The following KLF8 variants were observed in gnomAD, a reference collection of about 807,000 sequenced individuals.
The protein encoded by KLF8 is KLF transcription factor 8, also known as Krueppel-like factor 8.
Under a neutral mutation model 18.2 loss-of-function variants are expected in KLF8, and 10 were observed. The ratio of observed to expected loss-of-function variants is 0.55; its 90% CI spans 0.34 to 0.93. The LOEUF (loss-of-function observed/expected upper bound fraction) is 0.93, where lower values mean the gene tolerates loss of function less well. KLF8 is among the 40% of genes least tolerant of loss of function. The pLI is 0.02. For missense variants in KLF8, 264 were observed against 277.9 expected, an observed-to-expected ratio of 0.95 and a Z score of 0.36; for synonymous variants, 109 against 97.3, an observed-to-expected ratio of 1.12 and a Z score of -0.71.
At position 56,232,995 on chromosome X, in the gene KLF8, C is replaced by G. The variant is rs999101016; in HGVS notation, c.-340C>G. The G allele has an allele frequency of 5.8e-5, 17 of 295,031 alleles. No homozygotes were observed. The highest frequency in any genetic ancestry group is 9.1e-5 in the Non-Finnish European group (15 of 164,484). The allele number at this position is 295,031 out of a possible 1,213,427, so 24.3% of individuals were successfully genotyped here. Reference sequence around the variant, plus strand: ...CCAGCGAACCCACTTTATTTTTGTCCAAGGAAAAGCTGCAGGGGGGAGGAT... The same window carrying G: ...CCAGCGAACCCACTTTATTTTTGTCGAAGGAAAAGCTGCAGGGGGGAGGAT... On this transcript the variant is annotated 5_prime_UTR_variant, in exon 1 of 6. Transcript: ENST00000468660.
chrX:56,145,848 C>A, the KLF8 span, among the ~76,000 whole-genome samples: 5 of 107,582 alleles, frequency 4.6e-5, no homozygotes, highest in African/African-American at 1.4e-4. Context: ...CCAGAATCTA[C>A]AAAGAACTCA....
chrX:56,130,589 A>G, the KLF8 span, among the ~76,000 whole-genome samples: 332 of 111,252 alleles, frequency 3.0e-3, no homozygotes, highest in African/African-American at 0.01. Context: ...TGACAAAACC[A>G]GGTTCTTTAA....
chrX:56,069,495 C>T, the KLF8 span, among the ~76,000 whole-genome samples: 1 of 111,850 alleles, frequency 8.9e-6, no homozygotes, highest in Non-Finnish European at 1.9e-5. Flanking sequence ...GGCACAGCCT[C>T]CTTTTGTCCC....
the KLF8 span, among the ~76,000 whole-genome samples, chrX:56,066,000 C>T: frequency 9.0e-6 from 1 of 111,246 alleles, no homozygotes; most frequent in Admixed American, 9.6e-5. Flanking sequence ...ATTTGTTGGA[C>T]CCCAAACAGC....
chrX:56,098,545 A>T, the KLF8 span, among the ~76,000 whole-genome samples: 2 of 111,167 alleles, frequency 1.8e-5, no homozygotes, highest in African/African-American at 3.3e-5. Flanking sequence ...TTTTATGATT[A>T]AAAAAAATAA....
chrX:56,244,328 G>A (rs2066593434), intron 1 of KLF8, among the ~76,000 whole-genome samples: 1 of 111,668 alleles, frequency 9.0e-6, no homozygotes, highest in Non-Finnish European at 1.9e-5. Flanking sequence ...TCTTGCCTCA[G>A]CCTCACACAA....
chrX:56,027,620 AT>A, the KLF8 span, among the ~76,000 whole-genome samples: 3 of 112,099 alleles, frequency 2.7e-5, no homozygotes, highest in African/African-American at 9.7e-5. Context: ...CAATAACATT[AT>A]CCAAGGTTAC....
intron 5 of KLF8, 66 bp from the exon 6 acceptor site, chrX:56,284,247 A>G: frequency 3.4e-6 from 3 of 873,433 alleles, no homozygotes; most frequent in Admixed American, 4.2e-5. Flanking sequence ...TATGTATTCT[A>G]TTATCTTTCT....
chrX:56,144,438 A>G, the KLF8 span, among the ~76,000 whole-genome samples: 1 of 110,510 alleles, frequency 9.0e-6, no homozygotes, highest in Non-Finnish European at 1.9e-5. Context: ...AGGATCTAGT[A>G]TCAGAATACA....
At chrX:55,965,621 T>G in the KLF8 span, among the ~76,000 whole-genome samples, 1 of 112,219 alleles carries the variant, frequency 8.9e-6, no homozygotes, top group Non-Finnish European at 1.9e-5. Context: ...GATATAATTC[T>G]ATAGCTAGAA....
the KLF8 span, among the ~76,000 whole-genome samples, chrX:56,084,675 A>T: frequency 1.8e-5 from 2 of 112,323 alleles, no homozygotes; most frequent in African/African-American, 6.5e-5. Context: ...GTTATCTGCA[A>T]CCTCTAAAAT....
At chrX:56,144,109 G>A in the KLF8 span, among the ~76,000 whole-genome samples, 10 of 111,736 alleles carry the variant, frequency 8.9e-5, no homozygotes, top group South Asian at 3.7e-4. Flanking sequence ...ATAGTCTGGG[G>A]CAACTGGATA....
the KLF8 span, among the ~76,000 whole-genome samples, chrX:56,200,912 A>T: frequency 9.0e-6 from 1 of 111,674 alleles, no homozygotes; most frequent in Non-Finnish European, 1.9e-5. Context: ...AAATCACAAT[A>T]ATATATCACA....
At chrX:56,222,066 G>T in the KLF8 span, among the ~76,000 whole-genome samples, 4 of 111,430 alleles carry the variant, frequency 3.6e-5, no homozygotes, top group East Asian at 8.5e-4. Context: ...GTGTCCACTG[G>T]TGTATTTACA....
the KLF8 span, among the ~76,000 whole-genome samples, chrX:56,196,681 A>G: frequency 9.0e-6 from 1 of 111,665 alleles, no homozygotes; most frequent in Admixed American, 9.5e-5. Flanking sequence ...AATATTGCAC[A>G]GATCAACAAG....
chrX:56,159,982 G>T, the KLF8 span, among the ~76,000 whole-genome samples: 3 of 111,513 alleles, frequency 2.7e-5, no homozygotes, highest in Non-Finnish European at 5.6e-5. Flanking sequence ...TGTGATATTA[G>T]GGTGTCAGTT....
chrX:55,937,685 T>C, the KLF8 span, among the ~76,000 whole-genome samples: 4 of 112,144 alleles, frequency 3.6e-5, no homozygotes, highest in Non-Finnish European at 5.6e-5. Flanking sequence ...CTAAAGGACC[T>C]GGTGGAACTG....
At chrX:56,224,022 C>T in the KLF8 span, among the ~76,000 whole-genome samples, 1 of 110,954 alleles carries the variant, frequency 9.0e-6, no homozygotes, top group Non-Finnish European at 1.9e-5. Context: ...CCTCCTGCCT[C>T]TGCCTCCCTA....
At chrX:56,183,175 GC>G in the KLF8 span, among the ~76,000 whole-genome samples, 2 of 111,825 alleles carry the variant, frequency 1.8e-5, no homozygotes, top group Non-Finnish European at 3.8e-5. Flanking sequence ...AATGGCAGAC[GC>G]CCCTAACCCA....
Sources: gnomAD v4.1 joint callset for allele counts (sites outside exome capture counted in the v4.1 genomes callset) on GRCh38, gnomAD v4.1.1 for gene constraint, MANE v1.5 for transcripts, NCBI Gene and HGNC (gene_info 2026-07-23, HGNC 2026-07-21) for gene names.